Variants in PLCB1 observed in about 807,000 individuals in gnomAD.
PLCB1 encodes phospholipase C beta 1, also known as 1-phosphatidylinositol 4,5-bisphosphate phosphodiesterase beta-1.
A neutral mutation model predicts 161.8 loss-of-function variants in PLCB1; 46 were observed. The observed-to-expected ratio is 0.28, with a 90% CI of 0.22 to 0.36. The LOEUF is 0.36. Ranked by LOEUF, PLCB1 falls within the 10% of genes least tolerant of loss-of-function variation. The pLI is 1.00. For missense variants in PLCB1, 1,016 were observed against 1,472.5 expected, an observed-to-expected ratio of 0.69 and a Z score of 5.07; for synonymous variants, 517 against 503.7, an observed-to-expected ratio of 1.03 and a Z score of -0.35.
chr20:8,856,530 T>C (rs1422746910), intron 31 of PLCB1, among the ~76,000 whole-genome samples: 1 of 151,990 alleles, frequency 6.6e-6, no homozygotes, highest in Non-Finnish European at 1.5e-5. Context: ...GGCATGAGAA[T>C]TGCTTCAGCC....
intron 27 of PLCB1, among the ~76,000 whole-genome samples, chr20:8,781,656 G>T (rs1245628439): frequency 6.6e-6 from 1 of 152,088 alleles, no homozygotes; most frequent in Non-Finnish European, 1.5e-5. Context: ...CCAAGACTGG[G>T]CAATTTATAC....
At chr20:8,175,344 C>T (rs971433844) in intron 2 of PLCB1, among the ~76,000 whole-genome samples, 44 of 152,076 alleles carry the variant, frequency 2.9e-4, no homozygotes, top group African/African-American at 1.1e-3. Context: ...TAGACCCATA[C>T]ACATATGCTC....
intron 24 of PLCB1, among the ~76,000 whole-genome samples, chr20:8,759,192 G>C (rs1431924643): frequency 6.6e-6 from 1 of 152,140 alleles, no homozygotes; most frequent in Non-Finnish European, 1.5e-5. Context: ...CCCATGATTA[G>C]GTTGAGGGCA....
intron 3 of PLCB1, among the ~76,000 whole-genome samples, chr20:8,380,340 G>C (rs777973254): frequency 2.6e-5 from 4 of 152,130 alleles, no homozygotes; most frequent in Non-Finnish European, 5.9e-5. Context: ...ACCTGTTTCG[G>C]TTACTGTAGT....
intron 2 of PLCB1, among the ~76,000 whole-genome samples, chr20:8,370,240 C>A (rs938814780): frequency 2.0e-5 from 3 of 152,176 alleles, no homozygotes; most frequent in Non-Finnish European, 4.4e-5. Context: ...ATGCAGCAAC[C>A]TGTGTGTGTC....
intron 18 of PLCB1, among the ~76,000 whole-genome samples, chr20:8,730,115 A>G (rs6133611): frequency 0.22 from 33,439 of 151,848 alleles, 4,276 homozygotes; most frequent in East Asian, 0.51. Flanking sequence ...TTTAAAGGGT[A>G]TATTGTCTTT....
chr20:8,358,122 T>A (rs1986422360), intron 2 of PLCB1, among the ~76,000 whole-genome samples: 1 of 152,216 alleles, frequency 6.6e-6, no homozygotes. Flanking sequence ...TATTTCTCCA[T>A]CTTGCCCTGA....
chr20:8,267,824 G>T (rs967144065), intron 2 of PLCB1, among the ~76,000 whole-genome samples: 1 of 152,008 alleles, frequency 6.6e-6, no homozygotes, highest in Admixed American at 6.6e-5. Flanking sequence ...AGTGGCCCAT[G>T]ACCAGTTTGA....
At chr20:8,534,469 T>C (rs1984961312) in intron 3 of PLCB1, among the ~76,000 whole-genome samples, 1 of 152,040 alleles carries the variant, frequency 6.6e-6, no homozygotes, top group South Asian at 2.1e-4. Context: ...CTCCCTAAAA[T>C]TGGAGTGGAG....
rs183625834 is a variant in PLCB1 at position 8,748,100 on chromosome 20, T to C, written c.2523+6527T>C. Among the ~76,000 whole-genome samples, 339 of 152,340 alleles carry C rather than the reference T, an allele frequency of 2.2e-3. 1 individual carries two copies. The highest frequency in any genetic ancestry group is 7.7e-3 in the African/African-American group (320 of 41,582). ...CTCCTCAAATAATAAATTTGCAAGATATTAATTTATAGAAACAATAGTTTA... is the reference window on the plus strand; with the variant it reads ...CTCCTCAAATAATAAATTTGCAAGACATTAATTTATAGAAACAATAGTTTA... On this transcript the variant is annotated intron_variant, in intron 23 of 31. Coordinates refer to ENST00000338037, the MANE Select transcript of PLCB1 (RefSeq NM_015192.4).
At chr20:8,781,966 A>C (rs891389291) in intron 27 of PLCB1, among the ~76,000 whole-genome samples, 2 of 152,156 alleles carry the variant, frequency 1.3e-5, no homozygotes, top group African/African-American at 4.8e-5. Flanking sequence ...CACAGAGCCA[A>C]ACCATGTCAG....
intron 3 of PLCB1, among the ~76,000 whole-genome samples, chr20:8,622,412 A>C (rs560034564): frequency 6.6e-6 from 1 of 152,264 alleles, no homozygotes; most frequent in East Asian, 1.9e-4. Flanking sequence ...CAATCCATTG[A>C]TATTCTATTG....
At chr20:8,542,065 A>G (rs1985355288) in intron 3 of PLCB1, among the ~76,000 whole-genome samples, 1 of 152,212 alleles carries the variant, frequency 6.6e-6, no homozygotes, top group Non-Finnish European at 1.5e-5. Flanking sequence ...ATGTTCATTC[A>G]TTTAATTCAT....
At chr20:8,626,519 G>A (rs962249411) in intron 3 of PLCB1, among the ~76,000 whole-genome samples, 1 of 152,080 alleles carries the variant, frequency 6.6e-6, no homozygotes, top group Non-Finnish European at 1.5e-5. Flanking sequence ...AATGTAGACT[G>A]AACAAAAAAT....
chr20:8,222,381 C>A (rs114230465), intron 2 of PLCB1, among the ~76,000 whole-genome samples: 1 of 152,090 alleles, frequency 6.6e-6, no homozygotes, highest in Non-Finnish European at 1.5e-5. Flanking sequence ...TCTGGGGTAA[C>A]GTAGTTGTTT....
intron 3 of PLCB1, among the ~76,000 whole-genome samples, chr20:8,436,130 G>T (rs1178201010): frequency 6.6e-6 from 1 of 152,206 alleles, no homozygotes. Context: ...GTTGAGGCCA[G>T]GAGTTCGAGA....
chr20:8,515,436 G>C (rs1386051284), intron 3 of PLCB1, among the ~76,000 whole-genome samples: 1 of 152,262 alleles, frequency 6.6e-6, no homozygotes, highest in East Asian at 1.9e-4. Flanking sequence ...CTATCACATA[G>C]ATGCTGTGAG....
intron 2 of PLCB1, among the ~76,000 whole-genome samples, chr20:8,227,263 A>T (rs1979749020): frequency 6.6e-6 from 1 of 152,180 alleles, no homozygotes; most frequent in Admixed American, 6.5e-5. Flanking sequence ...GATAATTTTA[A>T]GAGAAAAGCA....
intron 27 of PLCB1, among the ~76,000 whole-genome samples, chr20:8,783,659 A>G (rs1983345653): frequency 6.6e-6 from 1 of 152,204 alleles, no homozygotes. Flanking sequence ...TATATCACAT[A>G]AGAAAGGGGG....
Sources: gnomAD v4.1 joint callset for allele counts (sites outside exome capture counted in the v4.1 genomes callset) on GRCh38, gnomAD v4.1.1 for gene constraint, MANE v1.5 for transcripts, NCBI Gene and HGNC (gene_info 2026-07-23, HGNC 2026-07-21) for gene names.